Variants in BTBD9 observed in about 807,000 individuals in gnomAD.
The protein encoded by BTBD9 is BTB/POZ domain-containing protein 9.
In BTBD9, 49 loss-of-function variants were observed where a neutral mutation model predicts 64.3. The ratio of observed to expected loss-of-function variants is 0.76; its 90% CI spans 0.61 to 0.97. The LOEUF (loss-of-function observed/expected upper bound fraction) is 0.97, where lower values mean the gene tolerates loss of function less well. BTBD9 is among the 50% of genes least tolerant of loss of function. BTBD9 has a pLI of 0.00. For missense variants in BTBD9, 598 were observed against 762.1 expected (o/e 0.78, Z 2.53); for synonymous variants, 260 against 274.7 (o/e 0.95, Z 0.53).
At chr6:38,390,872 T>C (rs1252817664) in intron 6 of BTBD9, among the ~76,000 whole-genome samples, 1 of 151,600 alleles carries the variant, frequency 6.6e-6, no homozygotes, top group Admixed American at 6.6e-5. Flanking sequence ...CATCTTTACT[T>C]AGCAAAATTC....
chr6:38,410,935 T>C (rs1035545310), intron 6 of BTBD9, among the ~76,000 whole-genome samples: 31 of 152,156 alleles, frequency 2.0e-4, no homozygotes, highest in African/African-American at 7.2e-4. Context: ...AGTGGTTCCC[T>C]GCATGTATCT....
intron 6 of BTBD9, among the ~76,000 whole-genome samples, chr6:38,391,622 T>TA (rs1256798621): frequency 6.9e-6 from 1 of 144,092 alleles, no homozygotes; most frequent in Non-Finnish European, 1.5e-5. Flanking sequence ...AATAAAAACT[T>TA]GCTTGTTTTT....
chr6:38,300,342 C>T (rs1464865547), intron 7 of BTBD9, among the ~76,000 whole-genome samples: 2 of 151,858 alleles, frequency 1.3e-5, no homozygotes, highest in Non-Finnish European at 2.9e-5. Flanking sequence ...GCAATGCGGG[C>T]TTTTTTTTGG....
Position 38,171,444 on chromosome 6 carries a change from A to T in BTBD9, c.*3541T>A, listed in dbSNP as rs1277698457. The stretch of plus-strand genomic sequence containing the variant: ...ACACTTCATTTAATAGGATTTAAAA[A>T]GTGACAATTTAAAGAGCAATTGAGA... On this transcript the variant is annotated 3_prime_UTR_variant, in exon 11 of 11. Coordinates refer to ENST00000481247, the MANE Select transcript of BTBD9 (RefSeq NM_001099272.2). 1 of 152,158 alleles carries T rather than the reference A, an allele frequency of 6.6e-6. No homozygotes were observed. The highest frequency in any genetic ancestry group is 1.5e-5 in the Non-Finnish European group (1 of 68,038). 9.4% of individuals were successfully genotyped at this position (152,158 alleles called of 1,614,324 possible). A position where few individuals can be genotyped will look rare whatever the true frequency, so the allele number is the denominator to read the frequency against.
At chr6:38,439,348 G>A (rs1355466929) in intron 6 of BTBD9, among the ~76,000 whole-genome samples, 3 of 150,728 alleles carry the variant, frequency 2.0e-5, no homozygotes, top group Non-Finnish European at 4.4e-5. Flanking sequence ...GGCTGCTGTC[G>A]AACTCCTGAC....
chr6:38,334,676 AAAC>A (rs1763825043), intron 7 of BTBD9, among the ~76,000 whole-genome samples: 1 of 152,024 alleles, frequency 6.6e-6, no homozygotes, highest in Admixed American at 6.6e-5. Flanking sequence ...AAACAAAACA[AAAC>A]AAAAACAAGC....
At chr6:38,363,146 T>A (rs994214732) in intron 6 of BTBD9, among the ~76,000 whole-genome samples, 1 of 152,162 alleles carries the variant, frequency 6.6e-6, no homozygotes, top group African/African-American at 2.4e-5. Flanking sequence ...TGGAGTACAG[T>A]GGTGTGATCA....
intron 6 of BTBD9, among the ~76,000 whole-genome samples, chr6:38,381,370 T>G (rs1231038024): frequency 6.6e-6 from 1 of 152,106 alleles, no homozygotes; most frequent in Non-Finnish European, 1.5e-5. Context: ...AGAAAGAGGG[T>G]AACTATATAC....
intron 6 of BTBD9, among the ~76,000 whole-genome samples, chr6:38,446,850 G>A (rs543372479): frequency 3.9e-5 from 6 of 152,262 alleles, no homozygotes; most frequent in Admixed American, 2.6e-4. Context: ...TAGGCAGAGC[G>A]GGATCAGTCT....
intron 8 of BTBD9, among the ~76,000 whole-genome samples, chr6:38,258,277 C>T (rs1276187003): frequency 1.3e-5 from 2 of 152,058 alleles, no homozygotes; most frequent in Non-Finnish European, 2.9e-5. Flanking sequence ...TGAGCCACTG[C>T]GGCCGGCCTA....
chr6:38,226,761 A>G (rs2127513184), intron 9 of BTBD9, among the ~76,000 whole-genome samples: 1 of 152,398 alleles, frequency 6.6e-6, no homozygotes, highest in South Asian at 2.1e-4. Context: ...AAACATGCAC[A>G]CACACACACG....
chr6:38,539,979 G>A (rs969501607), intron 6 of BTBD9, among the ~76,000 whole-genome samples: 3 of 152,156 alleles, frequency 2.0e-5, no homozygotes, highest in African/African-American at 7.2e-5. Context: ...GTTTCTCAGA[G>A]GGCAGGGATG....
In BTBD9 at chr6:38,434,533, C is replaced by T. The variant is rs555676646; in HGVS notation, c.1155-89440G>A. Among the ~76,000 whole-genome samples, 41 of 152,030 alleles carry T rather than the reference C, an allele frequency of 2.7e-4. No individual in the cohort carries two copies. In the Middle Eastern group the frequency reaches 0.01, roughly 38 times the overall value. On this transcript the variant is annotated intron_variant, in intron 6 of 10. Coordinates refer to ENST00000481247, the MANE Select transcript of BTBD9 (RefSeq NM_001099272.2). ...TATTTGATTGATGTCTCCTGCCTCC[C>T]TAAAATGTATAAAAAACCAAACTGC...
chr6:38,593,019 C>T (rs1050471842), intron 3 of BTBD9, among the ~76,000 whole-genome samples, 179 bp from the exon 4 acceptor site: 2 of 152,342 alleles, frequency 1.3e-5, no homozygotes, highest in East Asian at 1.9e-4. Flanking sequence ...ACAACCAAGA[C>T]GGTAGCACCA....
intron 9 of BTBD9, among the ~76,000 whole-genome samples, chr6:38,235,512 C>A (rs1582092521): frequency 6.6e-6 from 1 of 152,170 alleles, no homozygotes; most frequent in East Asian, 1.9e-4. Flanking sequence ...CTCCCAGTAC[C>A]ACTGGCTGAA....
At chr6:38,283,398 A>G (rs907955021) in intron 8 of BTBD9, among the ~76,000 whole-genome samples, 1 of 152,222 alleles carries the variant, frequency 6.6e-6, no homozygotes, top group Non-Finnish European at 1.5e-5. Context: ...CTGTAATCCC[A>G]GCACTTTGGG....
At chr6:38,220,656 G>A (rs1041651031) in intron 9 of BTBD9, among the ~76,000 whole-genome samples, 5 of 152,214 alleles carry the variant, frequency 3.3e-5, no homozygotes, top group African/African-American at 9.6e-5. Context: ...TTATAAAACT[G>A]TTAGTGTGGA....
chr6:38,622,891 C>CA (rs367862734), intron 1 of BTBD9, among the ~76,000 whole-genome samples: 11 of 152,324 alleles, frequency 7.2e-5, no homozygotes, highest in African/African-American at 2.2e-4. Context: ...TTCATCCCTG[C>CA]AATCCCTGCA....
chr6:38,250,161 G>T (rs144077681), intron 9 of BTBD9, among the ~76,000 whole-genome samples: 2,169 of 152,198 alleles, frequency 0.014, 41 homozygotes, highest in African/African-American at 0.048. Context: ...AGGGAAAGGG[G>T]TTTTTTTAAA....
Sources: allele counts gnomAD v4.1 joint callset (sites outside exome capture counted in the v4.1 genomes callset), GRCh38; gene constraint gnomAD v4.1.1; transcripts MANE v1.5; gene names NCBI Gene and HGNC (gene_info 2026-07-23, HGNC 2026-07-21).